ENPP2: variants seen among roughly 807,000 people sequenced by gnomAD.
The protein encoded by ENPP2 is autotaxin.
In ENPP2, 51 loss-of-function variants were observed where a neutral mutation model predicts 120.2. That is an observed-to-expected ratio of 0.42 (90% CI 0.34 to 0.54). The LOEUF (loss-of-function observed/expected upper bound fraction) is 0.54, where lower values mean the gene tolerates loss of function less well. ENPP2 is among the 20% of genes least tolerant of loss of function. ENPP2 has a pLI of 0.04. For synonymous variants in ENPP2, 365 were observed against 366.4 expected, an observed-to-expected ratio of 1.00 and a Z score of 0.04; for missense variants, 920 against 1,066.5, an observed-to-expected ratio of 0.86 and a Z score of 1.91.
At chr8:119,621,660 GC>G in intron 3 of ENPP2, 141 bp from the exon 4 acceptor site, 1 of 792,772 alleles carries the variant, frequency 1.3e-6, no homozygotes, top group South Asian at 1.7e-5. Context: ...TTGGCTTGAG[GC>G]CCAGAGGACA....
chr8:119,642,100 A>G (rs995639405), upstream of ENPP2, among the ~76,000 whole-genome samples: 1 of 152,152 alleles, frequency 6.6e-6, no homozygotes, highest in African/African-American at 2.4e-5. Flanking sequence ...TAACTGGATG[A>G]TGACCTGAGA....
At chr8:119,628,826 C>T (rs1280832949) in intron 2 of ENPP2, among the ~76,000 whole-genome samples, 5 of 152,058 alleles carry the variant, frequency 3.3e-5, no homozygotes, top group Non-Finnish European at 7.4e-5. Context: ...GTTTGCATCA[C>T]GTTTTTAAAA....
chr8:119,627,656 G>A (rs894671432), intron 2 of ENPP2, among the ~76,000 whole-genome samples: 2 of 151,998 alleles, frequency 1.3e-5, no homozygotes, highest in Admixed American at 6.6e-5. Flanking sequence ...GAGGTCAGGA[G>A]TTCGAGACCA....
At chr8:119,649,510 C>A (rs530681436) in intron 1 of ENPP2, among the ~76,000 whole-genome samples, 1 of 151,850 alleles carries the variant, frequency 6.6e-6, no homozygotes, top group Non-Finnish European at 1.5e-5. Context: ...TGCACACTAA[C>A]CATTAGAGAG....
intron 9 of ENPP2, among the ~76,000 whole-genome samples, chr8:119,605,428 A>ATGTGTGTGTGTGTGTGTG (rs557037737): frequency 2.0e-4 from 27 of 135,460 alleles, no homozygotes; most frequent in Admixed American, 8.9e-4. Flanking sequence ...AAGATACCAT[A>ATGTGTGTGTGTGTGTGTG]TATGTGTGTG....
intron 1 of ENPP2, among the ~76,000 whole-genome samples, chr8:119,663,194 C>A (rs928005579): frequency 6.6e-6 from 1 of 151,654 alleles, no homozygotes; most frequent in Non-Finnish European, 1.5e-5. Context: ...GTGGTTCCCA[C>A]GAGATGAGCA....
At chr8:119,561,123 T>C (rs16892751) in intron 24 of ENPP2, among the ~76,000 whole-genome samples, 1 of 152,232 alleles carries the variant, frequency 6.6e-6, no homozygotes, top group African/African-American at 2.4e-5. Flanking sequence ...TCTAATATTC[T>C]GGCAAAACTT....
intron 19 of ENPP2, among the ~76,000 whole-genome samples, chr8:119,579,004 T>A (rs1333402828): frequency 6.6e-6 from 1 of 152,240 alleles, no homozygotes; most frequent in African/African-American, 2.4e-5. Flanking sequence ...CTCAGGAGAA[T>A]TTGACCACGT....
chr8:119,558,207 A>G (rs1385137556), intron 24 of ENPP2, among the ~76,000 whole-genome samples: 2 of 152,190 alleles, frequency 1.3e-5, no homozygotes, highest in Non-Finnish European at 1.5e-5. Context: ...ATAAATTGCT[A>G]TTTGAAAAAT....
At chr8:119,619,394 G>C in intron 4 of ENPP2, 90 bp from the exon 5 acceptor site, 1 of 840,228 alleles carries the variant, frequency 1.2e-6, no homozygotes, top group Admixed American at 2.3e-5. Context: ...TGTCCTGTTT[G>C]ATACTTTCTT....
intron 1 of ENPP2, among the ~76,000 whole-genome samples, chr8:119,671,547 A>G (rs1456027567): frequency 1.3e-5 from 2 of 152,096 alleles, no homozygotes; most frequent in South Asian, 2.1e-4. Flanking sequence ...GAAGTCACCT[A>G]GGGTGATTCT....
chr8:119,613,062 G>A (rs1351013960), intron 8 of ENPP2, among the ~76,000 whole-genome samples: 1 of 152,096 alleles, frequency 6.6e-6, no homozygotes, highest in African/African-American at 2.4e-5. Flanking sequence ...TCCCATTGCT[G>A]AGAATCCAGA....
intron 1 of ENPP2, among the ~76,000 whole-genome samples, chr8:119,656,142 A>G (rs184306477): frequency 0.019 from 2,829 of 152,222 alleles, 85 homozygotes; most frequent in African/African-American, 0.065. Context: ...GGCCTCATGT[A>G]ATAAAATATT....
At chr8:119,626,474 CA>C in intron 3 of ENPP2, 90 bp downstream of exon 3, 1 of 996,238 alleles carries the variant, frequency 1.0e-6, no homozygotes, top group Non-Finnish European at 1.6e-6. Context: ...TTGGATAGAC[CA>C]AAGCAGGGTG....
intron 19 of ENPP2, chr8:119,571,559 G>A (rs1814984905): frequency 6.6e-6 from 1 of 152,128 alleles, no homozygotes; most frequent in Non-Finnish European, 1.5e-5. Flanking sequence ...ACTCTTTGCG[G>A]AAGAAGAGAT....
At chr8:119,626,785 A>G in intron 2 of ENPP2, 65 bp from the exon 3 acceptor site, 2 of 1,489,746 alleles carry the variant, frequency 1.3e-6, no homozygotes, top group Non-Finnish European at 1.9e-6. Flanking sequence ...GAAAGGTGGC[A>G]CTGGGAAGCT....
chr8:119,594,709 A>G (rs1813766440), intron 11 of ENPP2, among the ~76,000 whole-genome samples: 1 of 152,224 alleles, frequency 6.6e-6, no homozygotes, highest in Admixed American at 6.5e-5. Flanking sequence ...AAAGATTTTT[A>G]AGAAACATCT....
intron 9 of ENPP2, among the ~76,000 whole-genome samples, chr8:119,607,104 T>C (rs16892857): frequency 0.037 from 5,621 of 152,170 alleles, 341 homozygotes; most frequent in African/African-American, 0.13. Context: ...GAGGTGAAAA[T>C]AGAGGCTTCC....
At chr8:119,649,208 A>C (rs1313216743) in intron 1 of ENPP2, among the ~76,000 whole-genome samples, 1 of 150,326 alleles carries the variant, frequency 6.7e-6, no homozygotes, top group Non-Finnish European at 1.5e-5. Context: ...CCTGGCTAAC[A>C]CGGTGAAACC....
Sources: gnomAD v4.1 joint callset for allele counts (sites outside exome capture counted in the v4.1 genomes callset) on GRCh38, gnomAD v4.1.1 for gene constraint, MANE v1.5 for transcripts, NCBI Gene and HGNC (gene_info 2026-07-23, HGNC 2026-07-21) for gene names.